Variants in ZFAT observed in about 807,000 individuals in gnomAD.
ZFAT encodes the protein zinc finger and AT-hook domain containing.
A neutral mutation model predicts 117.7 loss-of-function variants in ZFAT; 64 were observed. The observed-to-expected ratio is 0.54, with a 90% CI of 0.44 to 0.67. The LOEUF (loss-of-function observed/expected upper bound fraction) is 0.67. Among genes scored for constraint, ZFAT ranks in the 30% least tolerant of loss-of-function variants. ZFAT has a pLI of 0.00. For missense variants in ZFAT, 1,433 were observed against 1,584.5 expected (o/e 0.90, Z 1.62); for synonymous variants, 679 against 615.0 (o/e 1.10, Z -1.54).
chr8:134,610,630 T>C lies in ZFAT; in HGVS notation c.474A>G (p.Glu158=). The change falls in exon 4 of 16, where the codon GAA becomes GAG. Residue 158 remains glutamate (E), a synonymous_variant. Coordinates refer to ENST00000377838, the MANE Select transcript of ZFAT (RefSeq NM_020863.4). The part of the protein sequence containing the change: ...EAGNESDLEL[E]KKCKEDDREK... ...CCCGATCATCTTCCTTACACTTCTTTTCTAGTTCAAGGTCAGACTCGTTAC... is the reference window on the plus strand; with the variant it reads ...CCCGATCATCTTCCTTACACTTCTTCTCTAGTTCAAGGTCAGACTCGTTAC... 1 of 1,614,162 alleles carries C rather than the reference T, an allele frequency of 6.2e-7. No homozygotes were observed. Among genetic ancestry groups the C allele is most frequent in the Non-Finnish European group, 8.5e-7 (1 of 1,180,028 alleles).
At chr8:134,669,814 G>T (rs1311063625) in intron 1 of ZFAT, among the ~76,000 whole-genome samples, 1 of 152,142 alleles carries the variant, frequency 6.6e-6, no homozygotes. Flanking sequence ...TGGCAAACTG[G>T]ATAAAGAGTC....
intron 1 of ZFAT, among the ~76,000 whole-genome samples, chr8:134,676,640 A>C (rs200501149): frequency 6.6e-6 from 1 of 152,126 alleles, no homozygotes; most frequent in Non-Finnish European, 1.5e-5. Flanking sequence ...CAACAGAATA[A>C]ACATTCTTCT....
At position 134,597,229 on chromosome 8, in the gene ZFAT, C is replaced by T. The variant is rs77934083; in HGVS notation, c.2475+3207G>A. ...ACTGCGTCAACATTTTCTTGGTACC[C>T]TTGGCTTCATTACAAAAATAATTTG... On this transcript the variant is annotated intron_variant, in intron 7 of 15. Coordinates refer to ENST00000377838, the MANE Select transcript of ZFAT (RefSeq NM_020863.4). Among the ~76,000 whole-genome samples, 10 of 152,032 alleles carry T rather than the reference C, an allele frequency of 6.6e-5. No homozygotes were observed. In the East Asian group the frequency reaches 1.5e-3, roughly 23 times the overall value.
chr8:134,595,455 C>T (rs983830429), intron 7 of ZFAT, among the ~76,000 whole-genome samples: 9 of 152,058 alleles, frequency 5.9e-5, no homozygotes, highest in Admixed American at 5.9e-4. Flanking sequence ...TTTTTATCTC[C>T]GTTTTTATAG....
chr8:134,565,439 A>G lies in ZFAT; in HGVS notation c.2888-18T>C, dbSNP rs774754019. 1.9e-6 allele frequency: 3 copies of G among 1,610,852 alleles called. No homozygotes were observed. Among genetic ancestry groups the G allele is most frequent in the Admixed American group, 1.7e-5 (1 of 59,280 alleles). On this transcript the variant is annotated intron_variant, in intron 10 of 15. Coordinates refer to ENST00000377838, the MANE Select transcript of ZFAT (RefSeq NM_020863.4). ...CTGCTTCCCTGGAAAGAAGCGGAGG[A>G]CAAGATGAGCGTCGCCAGGCCAACA...
intron 15 of ZFAT, among the ~76,000 whole-genome samples, chr8:134,480,402 T>TG (rs1817216660): frequency 1.3e-5 from 2 of 152,378 alleles, no homozygotes; most frequent in African/African-American, 4.8e-5. Flanking sequence ...GGACCATGTC[T>TG]GCCTGGTCAC....
chr8:134,675,092 G>A (rs1205585892), intron 1 of ZFAT, among the ~76,000 whole-genome samples: 2 of 152,210 alleles, frequency 1.3e-5, no homozygotes, highest in African/African-American at 2.4e-5. Context: ...GGACAAAGCT[G>A]GACGGAGAAT....
At chr8:134,735,037 T>C in the ZFAT span, among the ~76,000 whole-genome samples, 79 of 152,316 alleles carry the variant, frequency 5.2e-4, no homozygotes, top group African/African-American at 1.7e-3. Flanking sequence ...TTGTCACCTG[T>C]TCCTACTCTA....
At chr8:134,553,460 G>A (rs1018639422) in intron 11 of ZFAT, among the ~76,000 whole-genome samples, 3 of 152,150 alleles carry the variant, frequency 2.0e-5, no homozygotes, top group South Asian at 2.1e-4. Flanking sequence ...CCGAGATCGC[G>A]CCACTGCACT....
At chr8:134,663,790 A>G (rs2131230115) in intron 1 of ZFAT, among the ~76,000 whole-genome samples, 3 of 152,336 alleles carry the variant, frequency 2.0e-5, no homozygotes, top group South Asian at 4.1e-4. Context: ...AGTCTAAATA[A>G]CATTTAAAAA....
rs1817022913 is a variant in ZFAT at position 134,478,313 on chromosome 8, C to T, written c.*169G>A. ...CCTGTGGTATTGCTGGTGATGCTGA[C>T]TGCCTTGCCCACCCCAAGTTGGACT... On this transcript the variant is annotated 3_prime_UTR_variant, in exon 16 of 16. Coordinates refer to ENST00000377838, the MANE Select transcript of ZFAT (RefSeq NM_020863.4). This position sits in a 1 kb window ranked among gnomAD's most constrained non-coding sequence, Gnocchi z 5.2. 2 of 924,870 alleles carry T rather than the reference C, an allele frequency of 2.2e-6. No individual in the cohort carries two copies. The highest frequency in any genetic ancestry group is 5.7e-5 in the Admixed American group (2 of 35,342). The allele number at this position is 924,870 out of a possible 1,614,324, so 57.3% of individuals were successfully genotyped here.
chr8:134,761,978 C>CTGTGTGTGTG, the ZFAT span, among the ~76,000 whole-genome samples: 9 of 71,272 alleles, frequency 1.3e-4, no homozygotes, highest in African/African-American at 5.7e-4. Flanking sequence ...CTCTTTCTCT[C>CTGTGTGTGTG]TGTATGTGTG....
At chr8:134,676,814 A>G (rs1832828459) in intron 1 of ZFAT, among the ~76,000 whole-genome samples, 1 of 152,238 alleles carries the variant, frequency 6.6e-6, no homozygotes, top group African/African-American at 2.4e-5. Context: ...GCTCAATTAC[A>G]TGGGAACTGA....
chr8:134,620,011 C>T (rs7015238), intron 3 of ZFAT, among the ~76,000 whole-genome samples: 14,586 of 152,150 alleles, frequency 0.096, 1,010 homozygotes, highest in East Asian at 0.36. Context: ...GAACAGCTGG[C>T]TCCACAATGA....
chr8:134,810,612 T>C, the ZFAT span, among the ~76,000 whole-genome samples: 1 of 152,202 alleles, frequency 6.6e-6, no homozygotes, highest in Non-Finnish European at 1.5e-5. Flanking sequence ...CTTCCACTTA[T>C]AACTAGCTAT....
At chr8:134,581,731 T>G (rs1335050527) in intron 10 of ZFAT, among the ~76,000 whole-genome samples, 3 of 152,186 alleles carry the variant, frequency 2.0e-5, no homozygotes, top group Non-Finnish European at 4.4e-5. Context: ...ACCACAGGTG[T>G]GAGCCACCAT....
At position 134,542,157 on chromosome 8, in the gene ZFAT, T is replaced by A. The variant is rs1041628660; in HGVS notation, c.2977-9185A>T. ...GCTCCTTTCTCATTTGCATTCTAACTCTCCCTCTATCCGGAACACCCCATC... is the reference window on the plus strand; with the variant it reads ...GCTCCTTTCTCATTTGCATTCTAACACTCCCTCTATCCGGAACACCCCATC... On this transcript the variant is annotated intron_variant, in intron 11 of 15. Transcript: ENST00000377838. Among the ~76,000 whole-genome samples the A allele has an allele frequency of 2.6e-5, 4 of 152,106 alleles. No individual in the cohort carries two copies. In the South Asian group the frequency reaches 8.3e-4, roughly 32 times the overall value.
chr8:134,610,769 A>G (rs1393146207), intron 3 of ZFAT, 114 bp from the exon 4 acceptor site: 1 of 1,186,160 alleles, frequency 8.4e-7, no homozygotes, highest in Non-Finnish European at 1.2e-6. Context: ...TTTGGTCTGC[A>G]GTGCCACGCA....
chr8:134,551,156 G>A (rs1326544426), intron 11 of ZFAT, among the ~76,000 whole-genome samples: 2 of 152,214 alleles, frequency 1.3e-5, no homozygotes, highest in Admixed American at 6.5e-5. Flanking sequence ...AAGTTCCTCT[G>A]CTTCACTTGA....
Sources: allele counts gnomAD v4.1 joint callset (sites outside exome capture counted in the v4.1 genomes callset), GRCh38; gene constraint gnomAD v4.1.1; non-coding constraint Gnocchi (gnomAD v3.1); transcripts MANE v1.5; gene names NCBI Gene and HGNC (gene_info 2026-07-23, HGNC 2026-07-21).